Variants in ARSK observed in about 807,000 individuals in gnomAD.
The protein encoded by ARSK is arylsulfatase K.
Under a neutral mutation model 53.2 loss-of-function variants are expected in ARSK, and 37 were observed. The ratio of observed to expected loss-of-function variants is 0.70; its 90% CI spans 0.54 to 0.92. ARSK has a LOEUF of 0.92. Among genes scored for constraint, ARSK ranks in the 40% least tolerant of loss-of-function variants. ARSK has a pLI of 0.00. For missense variants in ARSK, 613 were observed against 643.0 expected (o/e 0.95, Z 0.51); for synonymous variants, 208 against 223.2 (o/e 0.93, Z 0.61).
intron 5 of ARSK, among the ~76,000 whole-genome samples, chr5:95,588,910 C>G (rs1407595499): frequency 6.6e-6 from 1 of 152,084 alleles, no homozygotes; most frequent in Non-Finnish European, 1.5e-5. Context: ...TGCAGTGAAC[C>G]AAGATCACAC....
chr5:95,573,837 C>A lies in ARSK; in HGVS notation c.416+5788C>A, dbSNP rs189664416. On this transcript the variant is annotated intron_variant, in intron 3 of 7. Transcript: ENST00000380009. ...AAAACATCAAGGTAAGTGGAGTATC[C>A]GTCCCCTCGAAGCATTTGTCCTTTG... Among the ~76,000 whole-genome samples the A allele has an allele frequency of 6.6e-5, 10 of 152,186 alleles. No homozygotes were observed. The East Asian group carries it at 1.9e-3, about 29-fold the overall frequency.
At position 95,604,668 on chromosome 5, in the gene ARSK, C is replaced by T. The variant is rs1169142998; in HGVS notation, c.*1142C>T. The T allele has an allele frequency of 6.6e-6, 1 of 152,082 alleles. No individual in the cohort carries two copies. The highest frequency in any genetic ancestry group is 2.4e-5 in the African/African-American group (1 of 41,420). The allele number at this position is 152,082 out of a possible 1,614,324, so 9.4% of individuals were successfully genotyped here. A position where few individuals can be genotyped will look rare whatever the true frequency, so the allele number is the denominator to read the frequency against. ...GTATACTAACTGATAATCTCACCAT[C>T]AATGCATGTCTTCTTATCCTTTGCC... On this transcript the variant is annotated 3_prime_UTR_variant, in exon 8 of 8. Coordinates refer to ENST00000380009, the MANE Select transcript of ARSK (RefSeq NM_198150.3).
At position 95,582,987 on chromosome 5, in the gene ARSK, T is replaced by A. The variant is rs1315232780; in HGVS notation, c.488T>A (p.Leu163His). ...LRQEGRPMVNLIRNRTKVRVM... is the reference protein window; with the variant it reads ...LRQEGRPMVNHIRNRTKVRVM... ...CAAGAAGGCAGGCCCATGGTTAATCTTATCCGTAACAGGACTAAAGTCAGA... is the reference window on the plus strand; with the variant it reads ...CAAGAAGGCAGGCCCATGGTTAATCATATCCGTAACAGGACTAAAGTCAGA... The change falls in exon 4 of 8, where the codon CTT (leucine) becomes CAT (histidine). Residue 163 changes from leucine (L) to histidine (H), a missense_variant. By Grantham distance (99) the Leu-to-His change is moderately conservative. Coordinates refer to ENST00000380009, the MANE Select transcript of ARSK (RefSeq NM_198150.3). 2 of 1,613,728 alleles carry A rather than the reference T, an allele frequency of 1.2e-6. No individual in the cohort carries two copies. Among genetic ancestry groups the A allele is most frequent in the African/African-American group, 2.7e-5 (2 of 74,912 alleles).
In ARSK at chr5:95,591,754, C is replaced by G. The variant is rs1313576991; in HGVS notation, c.1096+129C>G. 4 of 789,384 alleles carry G rather than the reference C, an allele frequency of 5.1e-6. No homozygotes were observed. In the African/African-American group the frequency reaches 5.2e-5, roughly 10 times the overall value. 48.9% of individuals were successfully genotyped at this position (789,384 alleles called of 1,614,324 possible). ...GACTTGTTTATAACCCTGAGCAACT[C>G]ATTCAACTGTGAGTCAAATCTGTAC... On this transcript the variant is annotated intron_variant, in intron 6 of 7. Transcript: ENST00000380009.
intron 4 of ARSK, among the ~76,000 whole-genome samples, chr5:95,586,202 G>A (rs1039469261): frequency 2.6e-5 from 4 of 152,090 alleles, no homozygotes; most frequent in Admixed American, 6.5e-5. Context: ...TCCGTATTCT[G>A]AGGTTGTTGA....
intron 7 of ARSK, 24 bp from the exon 8 acceptor site, chr5:95,603,213 A>G (rs749608228): frequency 9.2e-6 from 14 of 1,517,128 alleles, no homozygotes; most frequent in Non-Finnish European, 1.2e-5. Context: ...CTATTTTGAC[A>G]GATACTTATT....
At chr5:95,593,705 A>T (rs1413321554) in intron 6 of ARSK, among the ~76,000 whole-genome samples, 1 of 152,210 alleles carries the variant, frequency 6.6e-6, no homozygotes, top group Non-Finnish European at 1.5e-5. Context: ...AATTTATGTT[A>T]CTTGCTAATA....
intron 7 of ARSK, 63 bp from the exon 8 acceptor site, chr5:95,603,174 G>T: frequency 7.6e-7 from 1 of 1,310,008 alleles, no homozygotes; most frequent in Non-Finnish European, 1.0e-6. Context: ...CTGTCATAAT[G>T]ACATTCTAAA....
chr5:95,601,364 A>G (rs1335238315), intron 7 of ARSK, among the ~76,000 whole-genome samples: 1 of 152,198 alleles, frequency 6.6e-6, no homozygotes, highest in Non-Finnish European at 1.5e-5. Context: ...TTTGAAGTCA[A>G]CACCTCATTG....
chr5:95,560,706 GATTA>G lies in ARSK; in HGVS notation c.127-5289_127-5286del, dbSNP rs564464831. 6.0e-5 allele frequency among the ~76,000 whole-genome samples: 9 copies of G among 150,352 alleles called. 1 individual carries two copies. The South Asian group carries it at 1.9e-3, about 32-fold the overall frequency. On this transcript the variant is annotated intron_variant, in intron 1 of 7. Transcript: ENST00000380009. ...AAAAAAAACTTTAAGTAAATTGATT[GATTA>G]ATCAAATGTAAAACTAAAAAACTCT... is the stretch of plus-strand genomic sequence containing the variant.
intron 1 of ARSK, among the ~76,000 whole-genome samples, chr5:95,564,628 C>T (rs934688199): frequency 6.6e-6 from 1 of 152,184 alleles, no homozygotes; most frequent in Non-Finnish European, 1.5e-5. Context: ...GTCAGGGTCA[C>T]CAGCTGTCTC....
intron 5 of ARSK, among the ~76,000 whole-genome samples, chr5:95,590,838 T>G (rs1384840917): frequency 1.3e-5 from 2 of 152,212 alleles, no homozygotes; most frequent in African/African-American, 4.8e-5. Context: ...AAATCAAACT[T>G]GTACACTATC....
chr5:95,600,520 G>C (rs1482365990), intron 6 of ARSK: 2 of 436,018 alleles, frequency 4.6e-6, no homozygotes, highest in Non-Finnish European at 8.7e-6. Flanking sequence ...GCTCCTATCT[G>C]CCAGGCATTG....
At chr5:95,559,961 C>G (rs2112409566) in intron 1 of ARSK, among the ~76,000 whole-genome samples, 1 of 152,178 alleles carries the variant, frequency 6.6e-6, no homozygotes, top group East Asian at 1.9e-4. Context: ...CACTACAAAA[C>G]TATTGAACTA....
chr5:95,586,961 TAAAG>T (rs1749123208), intron 5 of ARSK, among the ~76,000 whole-genome samples: 1 of 152,126 alleles, frequency 6.6e-6, no homozygotes, highest in Non-Finnish European at 1.5e-5. Flanking sequence ...TATTCACACA[TAAAG>T]AAAGGGTCAC....
chr5:95,593,529 G>T (rs2112444016), intron 6 of ARSK, among the ~76,000 whole-genome samples: 1 of 152,126 alleles, frequency 6.6e-6, no homozygotes, highest in African/African-American at 2.4e-5. Context: ...CTACAATCTT[G>T]AGAAGATACC....
At position 95,603,551 on chromosome 5, in the gene ARSK, T is replaced by C; in HGVS notation, c.*25T>C. The C allele has an allele frequency of 4.0e-6, 6 of 1,504,890 alleles. No homozygotes were observed. Among genetic ancestry groups the C allele is most frequent in the Non-Finnish European group, 5.4e-6 (6 of 1,118,714 alleles). 93.2% of individuals were successfully genotyped at this position (1,504,890 alleles called of 1,614,324 possible). A position where few individuals can be genotyped will look rare whatever the true frequency, so the allele number is the denominator to read the frequency against. ...AACAAAAAGTTTAAAAATAGTGTTC[T>C]AGAGATACATATAAATATATTACAA... On this transcript the variant is annotated 3_prime_UTR_variant, in exon 8 of 8. Transcript: ENST00000380009.
intron 1 of ARSK, chr5:95,556,276 T>C (rs1228129683): frequency 1.9e-5 from 13 of 700,768 alleles, no homozygotes; most frequent in Non-Finnish European, 3.4e-5. Flanking sequence ...TACTTAAAGT[T>C]ATCTTTGTGA....
chr5:95,586,881 T>C (rs1214862310), intron 5 of ARSK, 148 bp downstream of exon 5: 2 of 593,760 alleles, frequency 3.4e-6, no homozygotes, highest in African/African-American at 2.0e-5. Flanking sequence ...TAACTTGCGT[T>C]ATTGATAGAA....
Sources: gnomAD v4.1 joint callset for allele counts (sites outside exome capture counted in the v4.1 genomes callset) on GRCh38, gnomAD v4.1.1 for gene constraint, MANE v1.5 for transcripts, NCBI Gene and HGNC (gene_info 2026-07-23, HGNC 2026-07-21) for gene names.